Variants in RALGAPA1 observed in about 807,000 individuals in gnomAD.
RALGAPA1 encodes the protein ral GTPase-activating protein subunit alpha-1.
A neutral mutation model predicts 269.6 loss-of-function variants in RALGAPA1; 52 were observed. The ratio of observed to expected loss-of-function variants is 0.19; its 90% confidence interval spans 0.15 to 0.24. The LOEUF is 0.24. RALGAPA1 is among the 10% of genes least tolerant of loss of function. The probability of loss-of-function intolerance (pLI) is 1.00; values close to 1 mark genes in which losing one functional copy is unlikely to be tolerated. For missense variants in RALGAPA1, 1,917 were observed against 3,013.9 expected, an observed-to-expected ratio of 0.64 and a Z score of 8.52; for synonymous variants, 817 against 1,008.3, an observed-to-expected ratio of 0.81 and a Z score of 3.60.
At chr14:35,661,122 T>A (rs1407178431) in intron 27 of RALGAPA1, among the ~76,000 whole-genome samples, 1 of 152,114 alleles carries the variant, frequency 6.6e-6, no homozygotes, top group Non-Finnish European at 1.5e-5. Context: ...TAGATCTTGG[T>A]TTCTTTTACT....
chr14:35,742,459 T>A lies in RALGAPA1; in HGVS notation c.1358A>T (p.Glu453Val). 6.2e-7 allele frequency: 1 copy of A among 1,604,458 alleles called. No homozygotes were observed. The highest frequency in any genetic ancestry group is 1.7e-4 in the Middle Eastern group (1 of 6,024). The change falls in exon 11 of 42, where the codon GAA becomes GTA. Residue 453 changes from glutamate (E) to valine (V), a missense_variant. By Grantham distance (121) the Glu-to-Val change is moderately radical (BLOSUM62 -2). Around this residue, in one of 11 missense-constraint regions of RALGAPA1, gnomAD observed 462 missense variants for 725.6 expected, o/e 0.64. Transcript: ENST00000680220. ...EEKPLFMQEPEEIVITSSDLP... is the reference protein window; with the variant it reads ...EEKPLFMQEPVEIVITSSDLP... ...GTCTGAAGAAGTGATCACAATTTCT[T>A]CAGGCTCTTGCATGAACAAAGGTTT...
At chr14:35,718,614 G>A (rs2140925601) in intron 16 of RALGAPA1, among the ~76,000 whole-genome samples, 1 of 151,804 alleles carries the variant, frequency 6.6e-6, no homozygotes, top group East Asian at 2.0e-4. Flanking sequence ...TCAGGAGTTC[G>A]ACACCAGCCT....
At chr14:35,721,912 G>A in intron 15 of RALGAPA1, 63 bp from the exon 16 acceptor site, 1 of 1,384,674 alleles carries the variant, frequency 7.2e-7, no homozygotes, top group South Asian at 1.2e-5. Context: ...TTCAAGTTAT[G>A]CGTGCTACCT....
intron 25 of RALGAPA1, among the ~76,000 whole-genome samples, chr14:35,672,600 TA>T (rs1030348346): frequency 6.6e-6 from 1 of 152,116 alleles, no homozygotes; most frequent in Non-Finnish European, 1.5e-5. Context: ...AAGGATGGTT[TA>T]ATTGCTTCAA....
At chr14:35,598,599 T>A (rs1325785428) in intron 36 of RALGAPA1, among the ~76,000 whole-genome samples, 4 of 152,008 alleles carry the variant, frequency 2.6e-5, no homozygotes, top group Non-Finnish European at 4.4e-5. Flanking sequence ...TTTGCACTTT[T>A]AGTAGAGAGG....
At chr14:35,630,184 C>T (rs2061269156) in intron 33 of RALGAPA1, among the ~76,000 whole-genome samples, 1 of 152,152 alleles carries the variant, frequency 6.6e-6, no homozygotes, top group African/African-American at 2.4e-5. Flanking sequence ...TTCCTTTGGG[C>T]TTTGGTTGAT....
chr14:35,795,814 CAAAAA>C (rs35882089), intron 1 of RALGAPA1, among the ~76,000 whole-genome samples: 1 of 122,286 alleles, frequency 8.2e-6, no homozygotes, highest in African/African-American at 2.9e-5. Flanking sequence ...ATTTCTCTAC[CAAAAA>C]AAAAAAAAAA....
At chr14:35,583,504 AAAAGAAGAAG>A (rs1321762320) in intron 37 of RALGAPA1, among the ~76,000 whole-genome samples, 2 of 152,204 alleles carry the variant, frequency 1.3e-5, no homozygotes, top group Non-Finnish European at 2.9e-5. Context: ...TGGGAACTCC[AAAAGAAGAAG>A]AAAGAGAAAA....
chr14:35,643,090 C>G (rs2062136039), intron 31 of RALGAPA1, among the ~76,000 whole-genome samples: 1 of 151,916 alleles, frequency 6.6e-6, no homozygotes, highest in Non-Finnish European at 1.5e-5. Flanking sequence ...GGACAGAAAA[C>G]CAAACACCGC....
intron 39 of RALGAPA1, among the ~76,000 whole-genome samples, chr14:35,559,789 C>T (rs755901844): frequency 4.6e-5 from 7 of 152,100 alleles, no homozygotes; most frequent in African/African-American, 7.2e-5. Flanking sequence ...GTACTTTATT[C>T]ATCAATAACG....
chr14:35,724,110 A>T (rs192455757), intron 14 of RALGAPA1, among the ~76,000 whole-genome samples: 1 of 152,296 alleles, frequency 6.6e-6, no homozygotes, highest in African/African-American at 2.4e-5. Context: ...ACTATAAAAA[A>T]GTTGTTTCAC....
chr14:35,635,124 T>C (rs773459071), intron 32 of RALGAPA1, among the ~76,000 whole-genome samples: 8 of 151,944 alleles, frequency 5.3e-5, no homozygotes, highest in African/African-American at 9.7e-5. Flanking sequence ...TGAGCCGAGA[T>C]TGAGCCATTG....
chr14:35,598,886 TTCTGTTTTTCATTTC>T (rs1449270099), intron 36 of RALGAPA1, among the ~76,000 whole-genome samples: 2 of 152,228 alleles, frequency 1.3e-5, no homozygotes, highest in Admixed American at 6.5e-5. Context: ...ATTTTCTGTT[TTCTGTTTTTCATTTC>T]TCTGTTTTAT....
intron 35 of RALGAPA1, among the ~76,000 whole-genome samples, chr14:35,606,068 G>C (rs759103311): frequency 6.6e-6 from 1 of 152,170 alleles, no homozygotes; most frequent in East Asian, 1.9e-4. Flanking sequence ...CAATGTAGCC[G>C]AATCCCATGG....
chr14:35,766,901 G>A, intron 4 of RALGAPA1: 1 of 426,584 alleles, frequency 2.3e-6, no homozygotes. Context: ...AGGACTGTCA[G>A]CAGTGAGTAA....
chr14:35,766,368 A>G (rs1227548588), intron 4 of RALGAPA1: 5 of 1,389,496 alleles, frequency 3.6e-6, no homozygotes, highest in Non-Finnish European at 4.1e-6. Flanking sequence ...CAAACTATGT[A>G]TAGGTATTCC....
At chr14:35,726,085 C>T (rs1041955625) in intron 13 of RALGAPA1, among the ~76,000 whole-genome samples, 3 of 152,154 alleles carry the variant, frequency 2.0e-5, no homozygotes, top group African/African-American at 7.2e-5. Flanking sequence ...GCCTCCTCCC[C>T]TCTGGTTATT....
At chr14:35,600,232 C>CTTTTTTTTTTTTTTTTTTTTT (rs71124708) in intron 36 of RALGAPA1, among the ~76,000 whole-genome samples, 1 of 86,946 alleles carries the variant, frequency 1.2e-5, no homozygotes, top group African/African-American at 4.4e-5. Flanking sequence ...TTCTTTTTTT[C>CTTTTTTTTTTTTTTTTTTTTT]TTTTTTTTTT....
chr14:35,542,052 G>GA (rs1018995579), intron 41 of RALGAPA1: 1 of 1,199,268 alleles, frequency 8.3e-7, no homozygotes, highest in Admixed American at 2.4e-5. Context: ...GTTCAAATAG[G>GA]AAAAAAGAAA....
Sources: gnomAD v4.1 joint callset for allele counts (sites outside exome capture counted in the v4.1 genomes callset) on GRCh38, gnomAD v4.1.1 for gene constraint, gnomAD v4.1.1 regional missense constraint, MANE v1.5 for transcripts, NCBI Gene and HGNC (gene_info 2026-07-23, HGNC 2026-07-21) for gene names.